HS2ST1: variants seen among roughly 807,000 people sequenced by gnomAD.
The protein encoded by HS2ST1 is 2-O-sulfotransferase.
Under a neutral mutation model 42.9 loss-of-function variants are expected in HS2ST1, and 18 were observed. The observed-to-expected ratio is 0.42, with a 90% CI of 0.29 to 0.62. The LOEUF is 0.62. Ranked by LOEUF, HS2ST1 falls within the 20% of genes least tolerant of loss-of-function variation. The pLI is 0.21. For synonymous variants in HS2ST1, 146 were observed against 152.9 expected (o/e 0.95, Z 0.33); for missense variants, 334 against 433.8 (o/e 0.77, Z 2.04).
chr1:86,932,110 A>G (rs1660556378), intron 1 of HS2ST1: 1 of 152,130 alleles, frequency 6.6e-6, no homozygotes, highest in South Asian at 2.1e-4. Flanking sequence ...GTTGAGTATT[A>G]TAAGTTATGG....
chr1:86,977,116 G>C (rs905306025), intron 1 of HS2ST1, among the ~76,000 whole-genome samples: 20 of 152,184 alleles, frequency 1.3e-4, no homozygotes, highest in African/African-American at 4.8e-4. Flanking sequence ...AAATGATTTT[G>C]TGTTTCATAT....
At chr1:87,097,584 G>A (rs1319849509) in intron 4 of HS2ST1, among the ~76,000 whole-genome samples, 1 of 152,090 alleles carries the variant, frequency 6.6e-6, no homozygotes, top group African/African-American at 2.4e-5. Context: ...AGGAGAGATG[G>A]GGTTTCACCA....
At chr1:86,957,314 G>A (rs1647701967) in intron 1 of HS2ST1, among the ~76,000 whole-genome samples, 1 of 152,104 alleles carries the variant, frequency 6.6e-6, no homozygotes, top group African/African-American at 2.4e-5. Context: ...TTTTACAGAG[G>A]AAGAAACATG....
At chr1:86,962,589 A>T (rs1328043484) in intron 1 of HS2ST1, among the ~76,000 whole-genome samples, 5 of 152,226 alleles carry the variant, frequency 3.3e-5, no homozygotes, top group African/African-American at 4.8e-5. Context: ...TAAAATATGA[A>T]GTTTGGACAC....
At chr1:86,915,578 C>G (rs538839879) in intron 1 of HS2ST1, among the ~76,000 whole-genome samples, 113 of 152,168 alleles carry the variant, frequency 7.4e-4, no homozygotes, top group Non-Finnish European at 1.5e-3. Context: ...CTAATTTGAG[C>G]TATGGGCATC....
intron 1 of HS2ST1, among the ~76,000 whole-genome samples, chr1:87,015,062 TTG>T (rs1649710986): frequency 6.6e-6 from 1 of 152,082 alleles, no homozygotes; most frequent in South Asian, 2.1e-4. Context: ...GTTTGTTTGT[TTG>T]TTTGAGACAG....
chr1:86,936,933 TAAAAAAAAAAA>T (rs60940882), intron 1 of HS2ST1, among the ~76,000 whole-genome samples: 1 of 98,402 alleles, frequency 1.0e-5, no homozygotes, highest in Non-Finnish European at 2.1e-5. Flanking sequence ...CCGTCTCTAC[TAAAAAAAAAAA>T]AAAAAAAAAA....
intron 5 of HS2ST1, among the ~76,000 whole-genome samples, chr1:87,099,304 G>A (rs962452223): frequency 3.9e-5 from 6 of 152,190 alleles, no homozygotes; most frequent in Non-Finnish European, 8.8e-5. Flanking sequence ...TACAAGCATG[G>A]CACCAACAAG....
At chr1:86,944,619 G>A (rs964979079) in intron 1 of HS2ST1, among the ~76,000 whole-genome samples, 5 of 152,112 alleles carry the variant, frequency 3.3e-5, no homozygotes, top group African/African-American at 1.2e-4. Context: ...CTCCCATAGT[G>A]CTGGGATTAC....
At chr1:86,924,337 G>A (rs1020233131) in intron 1 of HS2ST1, among the ~76,000 whole-genome samples, 4 of 152,108 alleles carry the variant, frequency 2.6e-5, no homozygotes, top group East Asian at 3.9e-4. Flanking sequence ...CCAGGTGCAC[G>A]GTGCAAACTG....
intron 1 of HS2ST1, among the ~76,000 whole-genome samples, chr1:87,015,579 C>T (rs534275631): frequency 4.6e-5 from 7 of 151,946 alleles, no homozygotes; most frequent in African/African-American, 1.4e-4. Context: ...TTCCTGACCT[C>T]GTGATCTGCC....
At chr1:87,084,352 A>C in intron 3 of HS2ST1, 73 bp downstream of exon 3, 7 of 835,808 alleles carry the variant, frequency 8.4e-6, no homozygotes, top group Non-Finnish European at 7.6e-6. Context: ...AAATTCATTA[A>C]ATTGTTATGA....
chr1:87,014,377 T>A (rs963411913), intron 1 of HS2ST1, among the ~76,000 whole-genome samples: 4 of 152,152 alleles, frequency 2.6e-5, no homozygotes, highest in African/African-American at 9.7e-5. Context: ...ACTTATTTAA[T>A]AGTACAAGAA....
At chr1:87,094,099 ATTCACTTGTGCGCT>A (rs771354246) in intron 4 of HS2ST1, among the ~76,000 whole-genome samples, 29 of 151,856 alleles carry the variant, frequency 1.9e-4, no homozygotes, top group Non-Finnish European at 3.1e-4. Flanking sequence ...TTATTTCTAA[ATTCACTTGTGCGCT>A]TTCTTTTTAT....
At chr1:86,929,907 A>G (rs1253872862) in intron 1 of HS2ST1, among the ~76,000 whole-genome samples, 1 of 151,882 alleles carries the variant, frequency 6.6e-6, no homozygotes, top group Non-Finnish European at 1.5e-5. Flanking sequence ...ACAGAACAGT[A>G]TAGGCTGTAC....
chr1:87,096,652 A>T (rs1652074968), intron 4 of HS2ST1, among the ~76,000 whole-genome samples: 1 of 152,202 alleles, frequency 6.6e-6, no homozygotes, highest in Admixed American at 6.5e-5. Context: ...GTTTACCAGC[A>T]TCTCTTACTT....
At chr1:86,999,477 C>CT (rs1410118139) in intron 1 of HS2ST1, among the ~76,000 whole-genome samples, 2 of 152,122 alleles carry the variant, frequency 1.3e-5, no homozygotes, top group African/African-American at 4.8e-5. Context: ...CACACCTGGC[C>CT]TTTTATTTTC....
intron 1 of HS2ST1, among the ~76,000 whole-genome samples, chr1:87,063,163 C>T (rs1651160055): frequency 6.6e-6 from 1 of 152,096 alleles, no homozygotes; most frequent in African/African-American, 2.4e-5. Flanking sequence ...TTCTAGACCA[C>T]AGTTTCTTGA....
chr1:86,946,084 C>G (rs1647327259), intron 1 of HS2ST1, among the ~76,000 whole-genome samples: 1 of 152,036 alleles, frequency 6.6e-6, no homozygotes, highest in South Asian at 2.1e-4. Flanking sequence ...ATATGGTTGC[C>G]TATTTTGGCA....
Sources: allele counts gnomAD v4.1 joint callset (sites outside exome capture counted in the v4.1 genomes callset), GRCh38; gene constraint gnomAD v4.1.1; transcripts MANE v1.5; gene names NCBI Gene and HGNC (gene_info 2026-07-23, HGNC 2026-07-21).